EPB41L3: variants seen among roughly 807,000 people sequenced by gnomAD.
EPB41L3 encodes the protein erythrocyte membrane protein band 4.1 like 3.
EPB41L3 carries 57 observed loss-of-function variants against 127.1 expected under a neutral mutation model. That is an observed-to-expected ratio of 0.45 (90% CI 0.36 to 0.56). The LOEUF is 0.56. Among genes scored for constraint, EPB41L3 ranks in the 20% least tolerant of loss-of-function variants. The probability of loss-of-function intolerance (pLI) is 0.00; values close to 1 mark genes in which losing one functional copy is unlikely to be tolerated. For synonymous variants in EPB41L3, 572 were observed against 549.5 expected, an observed-to-expected ratio of 1.04 and a Z score of -0.57; for missense variants, 1,273 against 1,372.2, an observed-to-expected ratio of 0.93 and a Z score of 1.14.
chr18:5,536,838 CAAACAAACG>C (rs1598780701), intron 1 of EPB41L3, among the ~76,000 whole-genome samples: 1 of 151,928 alleles, frequency 6.6e-6, no homozygotes, highest in African/African-American at 2.4e-5. Context: ...TCTCAAAAAA[CAAACAAACG>C]AAACAAACAA....
intron 13 of EPB41L3, among the ~76,000 whole-genome samples, chr18:5,412,936 C>A (rs1458502659): frequency 1.3e-5 from 2 of 150,876 alleles, no homozygotes; most frequent in Non-Finnish European, 2.9e-5. Flanking sequence ...CTCAGCCATA[C>A]ACAAATAGCA....
chr18:5,585,505 T>C (rs908249946), intron 3 of EPB41L3, among the ~76,000 whole-genome samples: 2 of 152,180 alleles, frequency 1.3e-5, no homozygotes, highest in African/African-American at 2.4e-5. Flanking sequence ...GGTTTTGCCA[T>C]GTTGGCCAGG....
chr18:5,412,464 G>T (rs2076314711), intron 13 of EPB41L3, among the ~76,000 whole-genome samples: 1 of 152,138 alleles, frequency 6.6e-6, no homozygotes, highest in Non-Finnish European at 1.5e-5. Flanking sequence ...GACCTCAAGT[G>T]ATCCGCCTGC....
At chr18:5,426,577 T>A (rs1333351884) in intron 9 of EPB41L3, among the ~76,000 whole-genome samples, 2 of 152,252 alleles carry the variant, frequency 1.3e-5, no homozygotes, top group Non-Finnish European at 2.9e-5. Flanking sequence ...TGTCACATCC[T>A]GATTTAAAAC....
intron 1 of EPB41L3, among the ~76,000 whole-genome samples, chr18:5,525,158 A>T (rs747216500): frequency 6.6e-6 from 1 of 152,100 alleles, no homozygotes; most frequent in Non-Finnish European, 1.5e-5. Flanking sequence ...ATCCCTGATG[A>T]CCTTTCTTAC....
intron 2 of EPB41L3, among the ~76,000 whole-genome samples, chr18:5,487,455 TA>T (rs2089949677): frequency 6.6e-6 from 1 of 150,868 alleles, no homozygotes. Context: ...ACTGTACACT[TA>T]AAAAAGATAG....
At chr18:5,608,877 T>G (rs560222338) in intron 3 of EPB41L3, among the ~76,000 whole-genome samples, 1 of 152,274 alleles carries the variant, frequency 6.6e-6, no homozygotes, top group Non-Finnish European at 1.5e-5. Context: ...TTGTGTCGAA[T>G]CAACAGCTCA....
intron 1 of EPB41L3, among the ~76,000 whole-genome samples, chr18:5,517,807 C>T (rs942367247): frequency 6.6e-6 from 1 of 152,080 alleles, no homozygotes; most frequent in African/African-American, 2.4e-5. Context: ...GGTCATCCCT[C>T]CCTCCCCGCC....
chr18:5,449,766 C>T (rs2082031217), intron 3 of EPB41L3, among the ~76,000 whole-genome samples: 1 of 152,302 alleles, frequency 6.6e-6, no homozygotes, highest in South Asian at 2.1e-4. Context: ...CTCCCATTGT[C>T]CATGGGATTT....
At chr18:5,531,345 G>C (rs1035654025) in intron 1 of EPB41L3, among the ~76,000 whole-genome samples, 10 of 152,162 alleles carry the variant, frequency 6.6e-5, no homozygotes, top group African/African-American at 1.4e-4. Context: ...ATTCAGAAAA[G>C]GGGCAGTTTA....
At chr18:5,414,466 T>C (rs905470077) in intron 13 of EPB41L3, among the ~76,000 whole-genome samples, 1 of 152,158 alleles carries the variant, frequency 6.6e-6, no homozygotes, top group Non-Finnish European at 1.5e-5. Flanking sequence ...CCACTAAATA[T>C]AGATACTCGC....
At chr18:5,491,975 T>A (rs1013919053) in intron 1 of EPB41L3, among the ~76,000 whole-genome samples, 1 of 152,180 alleles carries the variant, frequency 6.6e-6, no homozygotes, top group African/African-American at 2.4e-5. Flanking sequence ...TATACCAATG[T>A]AAGCAAGCAA....
chr18:5,432,942 T>G (rs920012405), intron 8 of EPB41L3, among the ~76,000 whole-genome samples: 1 of 152,224 alleles, frequency 6.6e-6, no homozygotes, highest in African/African-American at 2.4e-5. Flanking sequence ...GCCTGGTATG[T>G]ATGAAGGTAG....
At chr18:5,540,824 C>T (rs28646123) in intron 1 of EPB41L3, among the ~76,000 whole-genome samples, 28,369 of 151,948 alleles carry the variant, frequency 0.19, 2,805 homozygotes, top group African/African-American at 0.23. Flanking sequence ...GTGGCTCACG[C>T]CTGTAATCCC....
chr18:5,541,185 G>A (rs2093716526), intron 1 of EPB41L3, among the ~76,000 whole-genome samples: 2 of 144,534 alleles, frequency 1.4e-5, no homozygotes, highest in Admixed American at 7.1e-5. Context: ...CCCAGGAGTC[G>A]GAGGTTGCAG....
At chr18:5,549,666 C>T (rs1437384237) in intron 3 of EPB41L3, among the ~76,000 whole-genome samples, 1 of 152,094 alleles carries the variant, frequency 6.6e-6, no homozygotes, top group Non-Finnish European at 1.5e-5. Flanking sequence ...GGGGTCCAGC[C>T]TTAACTGAGT....
At chr18:5,551,975 G>A (rs756519057) in intron 3 of EPB41L3, among the ~76,000 whole-genome samples, 4 of 152,196 alleles carry the variant, frequency 2.6e-5, no homozygotes, top group Non-Finnish European at 5.9e-5. Flanking sequence ...ATGGAGTTGA[G>A]AAACAGGTAA....
At chr18:5,483,623 G>GA (rs747884358) in intron 2 of EPB41L3, among the ~76,000 whole-genome samples, 2,876 of 148,446 alleles carry the variant, frequency 0.019, 37 homozygotes, top group Middle Eastern at 0.076. Flanking sequence ...TAAAAAGGTG[G>GA]AAAAAAAAAC....
chr18:5,401,942 T>G (rs942066541), intron 16 of EPB41L3, among the ~76,000 whole-genome samples: 4 of 152,134 alleles, frequency 2.6e-5, no homozygotes, highest in African/African-American at 9.6e-5. Context: ...TCTAGAAGAA[T>G]GGAACTTTTA....
Sources: gnomAD v4.1 joint callset for allele counts (sites outside exome capture counted in the v4.1 genomes callset) on GRCh38, gnomAD v4.1.1 for gene constraint, MANE v1.5 for transcripts, NCBI Gene and HGNC (gene_info 2026-07-23, HGNC 2026-07-21) for gene names.